The following ABI3 variants were observed in gnomAD, a reference collection of about 807,000 sequenced individuals.
The protein encoded by ABI3 is ABI gene family member 3.
Under a neutral mutation model 37.0 loss-of-function variants are expected in ABI3, and 24 were observed. The observed-to-expected ratio is 0.65, with a 90% confidence interval of 0.47 to 0.91. The LOEUF is 0.91. Ranked by LOEUF, ABI3 falls within the 40% of genes least tolerant of loss-of-function variation. The pLI, the probability that ABI3 is intolerant of heterozygous loss-of-function variation, is 0.00. For synonymous variants in ABI3, 220 were observed against 211.8 expected, an observed-to-expected ratio of 1.04 and a Z score of -0.34; for missense variants, 481 against 485.1, an observed-to-expected ratio of 0.99 and a Z score of 0.08.
chr17:49,216,303 C>G (rs1164330274), intron 1 of ABI3, among the ~76,000 whole-genome samples: 1 of 151,978 alleles, frequency 6.6e-6, no homozygotes, highest in Non-Finnish European at 1.5e-5. Flanking sequence ...CCCTTTGCAT[C>G]CATTCCCCAA....
chr17:49,213,314 A>G (rs1406264203), intron 1 of ABI3, among the ~76,000 whole-genome samples: 1 of 152,108 alleles, frequency 6.6e-6, no homozygotes, highest in Admixed American at 6.5e-5. Flanking sequence ...GAATCCTTGG[A>G]CTCCTGCTTC....
chr17:49,218,667 G>A (rs2043246871), intron 3 of ABI3, among the ~76,000 whole-genome samples: 1 of 151,230 alleles, frequency 6.6e-6, no homozygotes, highest in African/African-American at 2.4e-5. Flanking sequence ...GCAATGGCAC[G>A]ATCTTGGCTC....
intron 7 of ABI3, 65 bp from the exon 8 acceptor site, chr17:49,222,487 G>T: frequency 1.3e-6 from 2 of 1,561,518 alleles, no homozygotes; most frequent in South Asian, 1.1e-5. Flanking sequence ...CCCCATGGTG[G>T]TGGGGGGTGA....
intron 1 of ABI3, among the ~76,000 whole-genome samples, chr17:49,211,147 A>G (rs1385538964): frequency 1.3e-5 from 2 of 152,212 alleles, no homozygotes; most frequent in African/African-American, 4.8e-5. Flanking sequence ...CCACGGGTCA[A>G]TCCAGAGACC....
At chr17:49,216,734 C>T (rs1466761148) in intron 2 of ABI3, 36 bp downstream of exon 2, 4 of 1,429,084 alleles carry the variant, frequency 2.8e-6, no homozygotes, top group Middle Eastern at 4.2e-4. Context: ...CATCTTGTGT[C>T]AGGCCTCAAC....
chr17:49,214,117 T>C (rs931644223), intron 1 of ABI3, among the ~76,000 whole-genome samples: 4 of 152,174 alleles, frequency 2.6e-5, no homozygotes, highest in African/African-American at 9.6e-5. Flanking sequence ...CAGGCTCCAT[T>C]AGAGGCTCCC....
At chr17:49,215,998 C>G (rs2043214183) in intron 1 of ABI3, among the ~76,000 whole-genome samples, 1 of 151,470 alleles carries the variant, frequency 6.6e-6, no homozygotes, top group Non-Finnish European at 1.5e-5. Context: ...GTAATCCCAA[C>G]TACTTGGGAG....
intron 2 of ABI3, 126 bp from the exon 3 acceptor site, chr17:49,217,613 A>C (rs1598242168): frequency 0.03 from 15,401 of 505,964 alleles, no homozygotes; most frequent in East Asian, 0.039. Flanking sequence ...GGCGGGGGGC[A>C]GGGCCCTCTT....
chr17:49,212,775 T>C (rs1324116171), intron 1 of ABI3, among the ~76,000 whole-genome samples: 1 of 152,198 alleles, frequency 6.6e-6, no homozygotes, highest in African/African-American at 2.4e-5. Flanking sequence ...TGCCACTAAC[T>C]GAAAATGCTA....
In ABI3 at chr17:49,219,851, C is replaced by T; in HGVS notation, c.549-7C>T. On this transcript the variant is annotated splice_polypyrimidine_tract_variant and splice_region_variant and intron_variant, in intron 4 of 7. Coordinates refer to ENST00000225941, the MANE Select transcript of ABI3 (RefSeq NM_016428.3). This position sits in a 1 kb window ranked among gnomAD's most constrained non-coding sequence, Gnocchi z 4.3. ...CCTCCTAATACCCACTCCCTGCCCCCCGCCAGGAGACCACCCCGGATTCCC... is the reference window on the plus strand; with the variant it reads ...CCTCCTAATACCCACTCCCTGCCCCTCGCCAGGAGACCACCCCGGATTCCC... 2 of 1,541,152 alleles carry T rather than the reference C, an allele frequency of 1.3e-6. No homozygotes were observed. Among genetic ancestry groups the T allele is most frequent in the Non-Finnish European group, 1.7e-6 (2 of 1,148,098 alleles).
chr17:49,218,013 C>T lies in ABI3; in HGVS notation c.462+98C>T, dbSNP rs112011245. On this transcript the variant is annotated intron_variant, in intron 3 of 7. Coordinates refer to ENST00000225941, the MANE Select transcript of ABI3 (RefSeq NM_016428.3). ...CCCAGTTCTGCAAGTTTTGTCCCCACTTGCCACTCCTTTCTTTCCCCGCTC... is the reference window on the plus strand; with the variant it reads ...CCCAGTTCTGCAAGTTTTGTCCCCATTTGCCACTCCTTTCTTTCCCCGCTC... 4.6e-3 allele frequency: 5,670 copies of T among 1,226,634 alleles called. 240 individuals are homozygous for T. The African/African-American group carries it at 0.08, about 17-fold the overall frequency. The allele number at this position is 1,226,634 out of a possible 1,614,324, so 76.0% of individuals were successfully genotyped here.
chr17:49,217,933 C>T lies in ABI3; in HGVS notation c.462+18C>T, dbSNP rs775927764. On this transcript the variant is annotated intron_variant, in intron 3 of 7. Transcript: ENST00000225941. ...GGATCAAGGTAGAGAGAGGGGCCCT[C>T]CTCTTTCCCTCCAACCCACCCTCTC... is the stretch of plus-strand genomic sequence containing the variant. The T allele has an allele frequency of 2.7e-6, 4 of 1,496,512 alleles. No homozygotes were observed. Among genetic ancestry groups the T allele is most frequent in the Non-Finnish European group, 3.6e-6 (4 of 1,125,370 alleles). 92.7% of individuals were successfully genotyped at this position (1,496,512 alleles called of 1,614,324 possible). A position where few individuals can be genotyped will look rare whatever the true frequency, so the allele number is the denominator to read the frequency against.
Position 49,214,609 on chromosome 17 carries a change from C to T in ABI3, c.118-1922C>T, listed in dbSNP as rs530725895. On this transcript the variant is annotated intron_variant, in intron 1 of 7. Transcript: ENST00000225941. The stretch of plus-strand genomic sequence containing the variant: ...CCTGTAATCCCAGCTACTCGGAAGG[C>T]TGAGGCAGGAGAATCGCTTGAACCC... 3.9e-5 allele frequency among the ~76,000 whole-genome samples: 6 copies of T among 152,318 alleles called. No homozygotes were observed. In the East Asian group the frequency reaches 1.2e-3, roughly 29 times the overall value.
chr17:49,217,351 T>C (rs759222107), intron 2 of ABI3, among the ~76,000 whole-genome samples: 55 of 152,138 alleles, frequency 3.6e-4, no homozygotes, highest in Non-Finnish European at 5.7e-4. Context: ...TTTACTTATT[T>C]GTCCCCCAAA....
chr17:49,222,975 C>T lies in ABI3; in HGVS notation c.*260C>T, dbSNP rs1012383478. 1.9e-6 allele frequency: 1 copy of T among 516,312 alleles called. No individual in the cohort carries two copies. The highest frequency in any genetic ancestry group is 3.4e-5 in the South Asian group (1 of 29,720). The allele number at this position is 516,312 out of a possible 1,614,324, so 32.0% of individuals were successfully genotyped here. A position where few individuals can be genotyped will look rare whatever the true frequency, so the allele number is the denominator to read the frequency against. ...CCTACTCCATGCAGGACAGGGTCTC[C>T]TGCTGCAAGTCCCAACTTTGAATAA... On this transcript the variant is annotated 3_prime_UTR_variant, in exon 8 of 8. Coordinates refer to ENST00000225941, the MANE Select transcript of ABI3 (RefSeq NM_016428.3).
intron 1 of ABI3, among the ~76,000 whole-genome samples, chr17:49,211,550 T>C (rs922352535): frequency 3.3e-5 from 5 of 152,228 alleles, no homozygotes; most frequent in Admixed American, 2.0e-4. Context: ...TCTGTACAAC[T>C]ACCTTGTGAG....
At chr17:49,220,077 GC>G in intron 5 of ABI3, 91 bp from the exon 6 acceptor site, 1 of 1,584,020 alleles carries the variant, frequency 6.3e-7, no homozygotes, top group Non-Finnish European at 8.6e-7. Flanking sequence ...GGTCACACGT[GC>G]AGGGCTGGGG....
At chr17:49,218,350 C>A (rs548866580) in intron 3 of ABI3, among the ~76,000 whole-genome samples, 1 of 152,212 alleles carries the variant, frequency 6.6e-6, no homozygotes, top group Non-Finnish European at 1.5e-5. Flanking sequence ...GGGATACAGC[C>A]ACACAAAGGG....
rs569164315 is a variant in ABI3 at position 49,216,215 on chromosome 17, C to T, written c.118-316C>T. On this transcript the variant is annotated intron_variant, in intron 1 of 7. Transcript: ENST00000225941. ...CAACCCCTAAAAGGACAGCCTGTTA[C>T]TGAAGTCTTCAGGAGGGTTGTACTA... Among the ~76,000 whole-genome samples the T allele has an allele frequency of 4.6e-5, 7 of 152,064 alleles. No homozygotes were observed. The South Asian group carries it at 1.2e-3, about 27-fold the overall frequency.
Sources: allele counts gnomAD v4.1 joint callset (sites outside exome capture counted in the v4.1 genomes callset), GRCh38; gene constraint gnomAD v4.1.1; non-coding constraint Gnocchi (gnomAD v3.1); transcripts MANE v1.5; gene names NCBI Gene and HGNC (gene_info 2026-07-23, HGNC 2026-07-21).